DPP10: variants seen among roughly 807,000 people sequenced by gnomAD.
DPP10 encodes dipeptidyl peptidase like 10, also known as inactive dipeptidyl peptidase 10.
In DPP10, 33 loss-of-function variants were observed where a neutral mutation model predicts 120.9. The observed-to-expected ratio is 0.27, with a 90% CI of 0.21 to 0.37. DPP10 has a LOEUF of 0.37. Ranked by LOEUF, DPP10 falls within the 10% of genes least tolerant of loss-of-function variation. The pLI, the probability that DPP10 is intolerant of heterozygous loss-of-function variation, is 1.00. For synonymous variants in DPP10, 337 were observed against 326.1 expected (o/e 1.03, Z -0.36); for missense variants, 816 against 942.8 (o/e 0.87, Z 1.76).
chr2:115,132,130 G>T (rs1421522434), intron 1 of DPP10, among the ~76,000 whole-genome samples: 1 of 152,148 alleles, frequency 6.6e-6, no homozygotes, highest in African/African-American at 2.4e-5. Flanking sequence ...GGAATTTGTT[G>T]TAAGAGTTAA....
intron 5 of DPP10, among the ~76,000 whole-genome samples, chr2:115,612,348 G>A (rs1056489437): frequency 5.9e-5 from 9 of 152,130 alleles, no homozygotes; most frequent in African/African-American, 9.7e-5. Context: ...TTAGAATACA[G>A]CAGTGCTTTA....
chr2:114,968,317 G>A (rs1289216673), intron 1 of DPP10, among the ~76,000 whole-genome samples: 1 of 151,968 alleles, frequency 6.6e-6, no homozygotes, highest in Non-Finnish European at 1.5e-5. Flanking sequence ...CATTCCTCTT[G>A]GTCAGCTCAG....
At chr2:115,789,973 T>C (rs1683761371) in intron 17 of DPP10, among the ~76,000 whole-genome samples, 1 of 152,210 alleles carries the variant, frequency 6.6e-6, no homozygotes, top group Non-Finnish European at 1.5e-5. Context: ...CATAGACTTG[T>C]ATATATCTGT....
chr2:114,816,569 T>C (rs567267192), intron 1 of DPP10, among the ~76,000 whole-genome samples: 276 of 152,310 alleles, frequency 1.8e-3, no homozygotes, highest in African/African-American at 6.3e-3. Context: ...CTCTTGATTG[T>C]GTTGCTCCGT....
At chr2:115,086,693 T>C (rs749111628) in intron 1 of DPP10, among the ~76,000 whole-genome samples, 1 of 152,112 alleles carries the variant, frequency 6.6e-6, no homozygotes, top group Non-Finnish European at 1.5e-5. Flanking sequence ...CCTGACCTCA[T>C]GACCTGCTCG....
chr2:115,732,891 C>A (rs1470960886), intron 8 of DPP10, among the ~76,000 whole-genome samples: 1 of 152,188 alleles, frequency 6.6e-6, no homozygotes, highest in East Asian at 1.9e-4. Context: ...ATGAGAAATA[C>A]GGGTTTCCAT....
At chr2:115,262,832 G>T (rs1423478232) in intron 1 of DPP10, among the ~76,000 whole-genome samples, 1 of 152,158 alleles carries the variant, frequency 6.6e-6, no homozygotes, top group African/African-American at 2.4e-5. Flanking sequence ...TCCCTACAAA[G>T]AAGTAAAACT....
At chr2:115,569,611 T>C (rs1179955095) in intron 5 of DPP10, among the ~76,000 whole-genome samples, 1 of 152,212 alleles carries the variant, frequency 6.6e-6, no homozygotes, top group East Asian at 1.9e-4. Context: ...ATGCGAGAAT[T>C]ATATGATCCA....
At chr2:114,998,115 TTG>T (rs199537386) in intron 1 of DPP10, among the ~76,000 whole-genome samples, 1 of 151,804 alleles carries the variant, frequency 6.6e-6, no homozygotes, top group Non-Finnish European at 1.5e-5. Flanking sequence ...TTACACTTAT[TTG>T]CACATAAGTA....
At chr2:114,481,723 C>T (rs1229745525) in intron 1 of DPP10, among the ~76,000 whole-genome samples, 2 of 152,070 alleles carry the variant, frequency 1.3e-5, no homozygotes, top group Admixed American at 6.6e-5. Context: ...TCCGTTTTCA[C>T]ACTGCTATAA....
At chr2:115,658,424 ATC>A (rs2088598401) in intron 5 of DPP10, among the ~76,000 whole-genome samples, 1 of 151,818 alleles carries the variant, frequency 6.6e-6, no homozygotes, top group African/African-American at 2.4e-5. Context: ...ATGTCTTAAA[ATC>A]TCTCTCTCTT....
chr2:115,646,240 G>A (rs1461719674), intron 5 of DPP10, among the ~76,000 whole-genome samples: 2 of 152,148 alleles, frequency 1.3e-5, no homozygotes, highest in African/African-American at 4.8e-5. Flanking sequence ...GGCAGTGATG[G>A]AGATCAGACT....
intron 1 of DPP10, among the ~76,000 whole-genome samples, chr2:114,474,846 G>A (rs1444275446): frequency 2.6e-5 from 4 of 152,174 alleles, no homozygotes; most frequent in Non-Finnish European, 5.9e-5. Context: ...AGTCATGGTA[G>A]GGGCTATATT....
At chr2:115,361,995 TG>T (rs1211140171) in intron 3 of DPP10, among the ~76,000 whole-genome samples, 1 of 77,814 alleles carries the variant, frequency 1.3e-5, no homozygotes, top group Non-Finnish European at 3.2e-5. Context: ...TGTGTATGTT[TG>T]TGTGTGTATG....
intron 7 of DPP10, among the ~76,000 whole-genome samples, chr2:115,696,722 T>C (rs1341050207): frequency 6.6e-6 from 1 of 152,252 alleles, no homozygotes; most frequent in Non-Finnish European, 1.5e-5. Flanking sequence ...ATGTATGTTA[T>C]TGTTACAATG....
chr2:114,594,713 C>G (rs1176529427), intron 1 of DPP10, among the ~76,000 whole-genome samples: 1 of 151,678 alleles, frequency 6.6e-6, no homozygotes, highest in African/African-American at 2.4e-5. Context: ...TTATTGAAAG[C>G]CTTTGGTGGG....
intron 1 of DPP10, among the ~76,000 whole-genome samples, chr2:115,232,600 G>A (rs1436612524): frequency 6.6e-6 from 1 of 151,962 alleles, no homozygotes; most frequent in East Asian, 1.9e-4. Context: ...ATAGCCACTG[G>A]AAAAAAAATT....
intron 1 of DPP10, chr2:114,707,148 T>C (rs1700734764): frequency 6.6e-6 from 1 of 152,098 alleles, no homozygotes; most frequent in South Asian, 2.1e-4. Context: ...GCCCATTAAA[T>C]GGAGTTATGA....
At chr2:114,709,429 C>T (rs570804333) in intron 1 of DPP10, among the ~76,000 whole-genome samples, 3 of 152,256 alleles carry the variant, frequency 2.0e-5, no homozygotes, top group African/African-American at 4.8e-5. Context: ...GTAAAAAATG[C>T]CCTTAAATTT....
Sources: allele counts gnomAD v4.1 joint callset (sites outside exome capture counted in the v4.1 genomes callset), GRCh38; gene constraint gnomAD v4.1.1; transcripts MANE v1.5; gene names NCBI Gene and HGNC (gene_info 2026-07-23, HGNC 2026-07-21).